TMEM25: variants seen among roughly 807,000 people sequenced by gnomAD.
TMEM25 encodes 0610039J01Rik.
Under a neutral mutation model 37.0 loss-of-function variants are expected in TMEM25, and 36 were observed. That is an observed-to-expected ratio of 0.97 (90% confidence interval 0.75 to 1.28). TMEM25 has a LOEUF of 1.28. Ranked by LOEUF, TMEM25 falls within the 50% of genes most tolerant of loss-of-function variation. The pLI is 0.00. For missense variants in TMEM25, 444 were observed against 477.9 expected (o/e 0.93, Z 0.66); for synonymous variants, 197 against 203.7 (o/e 0.97, Z 0.28).
downstream of TMEM25, among the ~76,000 whole-genome samples, chr11:118,536,991 C>T (rs1440288334): frequency 1.3e-5 from 2 of 152,142 alleles, no homozygotes; most frequent in South Asian, 2.1e-4. Flanking sequence ...CCTCCCACCT[C>T]AGCCTCATGA....
chr11:118,545,961 G>T, intron 8 of TMEM25: 1 of 907,112 alleles, frequency 1.1e-6, no homozygotes, highest in Non-Finnish European at 1.8e-6. Flanking sequence ...ACAGGTTATG[G>T]GCTGAAATGT....
Position 118,532,439 on chromosome 11 carries a change from C to T in TMEM25, c.360C>T (p.Ala120=). The T allele has an allele frequency of 6.2e-7, 1 of 1,613,498 alleles. No individual in the cohort carries two copies. The highest frequency in any genetic ancestry group is 8.5e-7 in the Non-Finnish European group (1 of 1,179,554). Residue 120 remains alanine, a synonymous_variant, in exon 3 of 9, where the codon GCC becomes GCT. Transcript: ENST00000313236. ...QDPRSGRSAN[A]SVILNVQFKP... Reference sequence around the variant, plus strand: ...CCAGAAGTGGCCGATCAGCCAACGCCTCTGTCATCCTTAATGTGCAATGTG... The same window carrying T: ...CCAGAAGTGGCCGATCAGCCAACGCTTCTGTCATCCTTAATGTGCAATGTG...
rs186549781 is a variant in TMEM25, at chr11:118,532,914, C to T, written c.383-3C>T. ...GAGCATATTGGCCTCTGCTTTGTAC[C>T]AGTCAAGCCAGAGATTGCCCAAGTC... is the stretch of plus-strand genomic sequence containing the variant. On this transcript the variant is annotated splice_polypyrimidine_tract_variant and splice_region_variant and intron_variant, in intron 3 of 8. Coordinates refer to ENST00000313236, the MANE Select transcript of TMEM25 (RefSeq NM_032780.4). 4.0e-5 allele frequency: 64 copies of T among 1,611,400 alleles called. No individual in the cohort carries two copies. The East Asian group carries it at 4.7e-4, about 12-fold the overall frequency.
chr11:118,533,491 C>T lies in TMEM25; in HGVS notation c.745C>T (p.Leu249Phe), dbSNP rs782509941. The change falls in exon 5 of 9, where the codon CTC becomes TTC. Residue 249 changes from leucine to phenylalanine, a missense_variant. Leu to Phe is a conservative substitution (Grantham distance 22). Transcript: ENST00000313236. ...GGCTGCTGGGCTTGCACTGGGCACC[C>T]TCGTGGGGTTCAGCACCTTGGTGGC... is the stretch of plus-strand genomic sequence containing the variant. ...VVAAGLALGT[L>F]VGFSTLVACL... The T allele has an allele frequency of 6.2e-7, 1 of 1,614,210 alleles. No homozygotes were observed. Among genetic ancestry groups the T allele is most frequent in the Non-Finnish European group, 8.5e-7 (1 of 1,180,032 alleles).
chr11:118,533,804 C>G, intron 5 of TMEM25, 53 bp from the exon 6 acceptor site: 1 of 1,613,088 alleles, frequency 6.2e-7, no homozygotes, highest in Non-Finnish European at 8.5e-7. Flanking sequence ...GGTAGGACAG[C>G]CCAGCGTGGG....
intron 8 of TMEM25, among the ~76,000 whole-genome samples, chr11:118,541,430 C>G (rs563103369): frequency 2.4e-4 from 36 of 146,952 alleles, no homozygotes; most frequent in African/African-American, 9.2e-4. Context: ...CCACTGCACT[C>G]CAGCCTGGGT....
downstream of TMEM25, chr11:118,547,263 A>G (rs1951708367): frequency 6.6e-6 from 1 of 152,182 alleles, no homozygotes; most frequent in South Asian, 2.1e-4. Context: ...AAAATAAGTA[A>G]ATAAAGTCTA....
Position 118,532,178 on chromosome 11 carries a change from T to A in TMEM25, c.99T>A (p.Asp33Glu). 2 of 1,581,998 alleles carry A rather than the reference T, an allele frequency of 1.3e-6. No individual in the cohort carries two copies. Among genetic ancestry groups the A allele is most frequent in the Non-Finnish European group, 8.6e-7 (1 of 1,162,512 alleles). The part of the protein sequence containing the change: ...SGWGELEPQI[D>E]GQTWAERALR... ...GGGGGGAGTTGGAGCCACAAATAGA[T>A]GGTCAGACCTGGGCTGAGCGGGCAC... The change falls in exon 3 of 9, where the codon GAT becomes GAA. Residue 33 changes from aspartate (D) to glutamate (E), a missense_variant. By Grantham distance (45) the Asp-to-Glu change is conservative (BLOSUM62 2). Transcript: ENST00000313236.
At chr11:118,532,708 G>A in intron 3 of TMEM25, 5 of 800,832 alleles carry the variant, frequency 6.2e-6, no homozygotes, top group Non-Finnish European at 9.6e-6. Context: ...AAGAAGCAGA[G>A]CCAGGATTCA....
At chr11:118,546,682 T>C (rs1354971418), downstream of TMEM25, 1 of 155,134 alleles carries the variant, frequency 6.4e-6, no homozygotes, top group Admixed American at 6.3e-5. Context: ...CAGTATGGAA[T>C]TGGTCATATG....
downstream of TMEM25, among the ~76,000 whole-genome samples, chr11:118,536,606 ATAATATTTCTT>A (rs1349393466): frequency 6.6e-6 from 1 of 152,232 alleles, no homozygotes; most frequent in African/African-American, 2.4e-5. Flanking sequence ...AGAAAAATAA[ATAATATTTCTT>A]TAATTATAGT....
chr11:118,541,489 A>ACTT (rs1264078450), intron 8 of TMEM25, among the ~76,000 whole-genome samples: 2 of 151,506 alleles, frequency 1.3e-5, no homozygotes, highest in African/African-American at 4.8e-5. Context: ...AGAAAAAGAA[A>ACTT]CTTCACCTAA....
At chr11:118,546,176 A>G in exon 9 of TMEM25, 1 of 718,444 alleles carries the variant, frequency 1.4e-6, no homozygotes, top group Non-Finnish European at 2.6e-6. Context: ...AAGACACAGA[A>G]GATGGCCAAG....
At chr11:118,544,701 G>C (rs1329994062) in intron 8 of TMEM25, 1 of 553,788 alleles carries the variant, frequency 1.8e-6, no homozygotes, top group Non-Finnish European at 3.2e-6. Context: ...CAGTGGTGTA[G>C]ATGCATTAAC....
In TMEM25 at chr11:118,534,053, C is replaced by T. The variant is rs1555061550; in HGVS notation, c.861C>T (p.Asn287=). 6 of 1,614,150 alleles carry T rather than the reference C, an allele frequency of 3.7e-6. No homozygotes were observed. The highest frequency in any genetic ancestry group is 1.1e-5 in the South Asian group (1 of 91,082). ...ISSDSNNLKL[N]NVRLPRENMS... ...GTGACTCCAACAACCTAAAACTCAA[C>T]AACGTGCGCCTGCCACGGGAGAACA... Residue 287 remains asparagine, a synonymous_variant, in exon 7 of 9, where the codon AAC becomes AAT. Transcript: ENST00000313236. This position sits in a 1 kb window ranked among gnomAD's most constrained non-coding sequence, Gnocchi z 4.6.
Position 118,534,352 on chromosome 11 carries a change from C to T in TMEM25, c.1024C>T (p.Gln342Ter), listed in dbSNP as rs782659379. Reference sequence around the variant, plus strand: ...GGAGCCCGGCGGCCTCCTCACCAGCCAAGGTACTGGGGAAGGGGCCTGCCA... The same window carrying T: ...GGAGCCCGGCGGCCTCCTCACCAGCTAAGGTACTGGGGAAGGGGCCTGCCA... The part of the protein sequence containing the change: ...DPEPGGLLTS[Q>*]GFIRLPVLGY... The change falls in exon 8 of 9, where the codon CAA becomes TAA. Residue 342 changes from glutamine to a stop codon, truncating the protein, a stop_gained. Coordinates refer to ENST00000313236, the MANE Select transcript of TMEM25 (RefSeq NM_032780.4). LOFTEE classifies it high-confidence loss of function. The surrounding 1 kb of genome is among the most constrained non-coding windows in gnomAD (Gnocchi z 4.6). 5 of 1,613,932 alleles carry T rather than the reference C, an allele frequency of 3.1e-6. No individual in the cohort carries two copies. In the South Asian group the frequency reaches 5.5e-5, roughly 18 times the overall value.
intron 8 of TMEM25, chr11:118,544,824 G>T: frequency 1.1e-6 from 1 of 890,078 alleles, no homozygotes. Flanking sequence ...CTGTGGCATG[G>T]GCAAGGACAT....
chr11:118,533,698 G>A, intron 5 of TMEM25, 147 bp downstream of exon 5: 2 of 1,566,574 alleles, frequency 1.3e-6, no homozygotes, highest in Non-Finnish European at 1.7e-6. Context: ...ATGCATCCCA[G>A]GTAGCAGGGT....
chr11:118,534,781 G>A lies in TMEM25; in HGVS notation c.*201G>A. 1 of 1,413,202 alleles carries A rather than the reference G, an allele frequency of 7.1e-7. No homozygotes were observed. Among genetic ancestry groups the A allele is most frequent in the Non-Finnish European group, 9.2e-7 (1 of 1,084,374 alleles). 87.5% of individuals were successfully genotyped at this position (1,413,202 alleles called of 1,614,324 possible). ...AACCCGCAGGGGCACAGGTATCTTT[G>A]GCAAGGCTACCAGTTGGACGTAAGC... On this transcript the variant is annotated 3_prime_UTR_variant, in exon 9 of 9. Transcript: ENST00000313236. The surrounding 1 kb of genome is among the most constrained non-coding windows in gnomAD (Gnocchi z 4.6).
Sources: gnomAD v4.1 joint callset for allele counts (sites outside exome capture counted in the v4.1 genomes callset) on GRCh38, gnomAD v4.1.1 for gene constraint, Gnocchi (gnomAD v3.1) non-coding constraint, MANE v1.5 for transcripts, NCBI Gene and HGNC (gene_info 2026-07-23, HGNC 2026-07-21) for gene names.